Variants in SDAD1 observed in about 807,000 individuals in gnomAD.
SDAD1 encodes protein SDA1 homolog.
In SDAD1, 79 loss-of-function variants were observed where a neutral mutation model predicts 100.3. The ratio of observed to expected loss-of-function variants is 0.79; its 90% confidence interval spans 0.66 to 0.95. The LOEUF is 0.95. Among genes scored for constraint, SDAD1 ranks in the 40% least tolerant of loss-of-function variants. The pLI, the probability that SDAD1 is intolerant of heterozygous loss-of-function variation, is 0.00. For missense variants in SDAD1, 790 were observed against 810.9 expected, an observed-to-expected ratio of 0.97 and a Z score of 0.31; for synonymous variants, 267 against 271.4, an observed-to-expected ratio of 0.98 and a Z score of 0.16.
intron 1 of SDAD1, among the ~76,000 whole-genome samples, chr4:75,990,026 G>A (rs1290331866): frequency 6.6e-6 from 1 of 152,188 alleles, no homozygotes; most frequent in Non-Finnish European, 1.5e-5. Context: ...GTGTCTGAAG[G>A]AAGCACCTGT....
intron 1 of SDAD1, among the ~76,000 whole-genome samples, chr4:75,984,770 CACACACAA>C (rs1181552194): frequency 2.3e-4 from 30 of 131,660 alleles, no homozygotes; most frequent in Admixed American, 3.3e-4. Context: ...CATACACACA[CACACACAA>C]ACACACACAC....
intron 17 of SDAD1, among the ~76,000 whole-genome samples, chr4:75,959,185 C>G (rs953885382): frequency 2.0e-5 from 3 of 151,620 alleles, no homozygotes; most frequent in Non-Finnish European, 2.9e-5. Context: ...ATGCCCCCAC[C>G]CACTCCAATC....
intron 21 of SDAD1, 22 bp downstream of exon 21, chr4:75,955,953 C>G (rs780164536): frequency 1.3e-6 from 2 of 1,579,582 alleles, no homozygotes. Flanking sequence ...TTCTTGCCAC[C>G]CAAGCTTCAA....
chr4:75,973,969 C>T (rs1730010151), intron 7 of SDAD1, 107 bp downstream of exon 7: 2 of 862,926 alleles, frequency 2.3e-6, no homozygotes, highest in Admixed American at 2.1e-5. Flanking sequence ...TAACTGCATG[C>T]CTGGTGTGCA....
At chr4:75,990,513 G>A (rs1560562447) in intron 1 of SDAD1, among the ~76,000 whole-genome samples, 1 of 152,174 alleles carries the variant, frequency 6.6e-6, no homozygotes, top group Non-Finnish European at 1.5e-5. Flanking sequence ...GGTTTTAAAG[G>A]TGTTTCAGCG....
intron 2 of SDAD1, 52 bp downstream of exon 2, chr4:75,981,881 T>G: frequency 8.1e-7 from 1 of 1,229,780 alleles, no homozygotes; most frequent in Non-Finnish European, 1.2e-6. Flanking sequence ...GAAAAAACAT[T>G]CAGCAAACTG....
intron 21 of SDAD1, among the ~76,000 whole-genome samples, chr4:75,953,833 G>T (rs1222823644): frequency 6.6e-6 from 1 of 152,136 alleles, no homozygotes; most frequent in Non-Finnish European, 1.5e-5. Context: ...ACACCACAAG[G>T]AGAGAAAGAT....
intron 3 of SDAD1, among the ~76,000 whole-genome samples, chr4:75,980,503 G>C (rs1294724686): frequency 2.0e-5 from 3 of 152,184 alleles, no homozygotes; most frequent in African/African-American, 7.2e-5. Flanking sequence ...ATTAAATTTG[G>C]AAATGTCTTA....
chr4:75,985,937 T>C (rs1024280848), intron 1 of SDAD1, among the ~76,000 whole-genome samples: 7 of 152,138 alleles, frequency 4.6e-5, no homozygotes, highest in African/African-American at 1.7e-4. Context: ...TCATCCAGCT[T>C]CAATTCCATG....
At chr4:75,976,525 A>G (rs776870259) in intron 4 of SDAD1, among the ~76,000 whole-genome samples, 9 of 152,194 alleles carry the variant, frequency 5.9e-5, no homozygotes, top group Non-Finnish European at 8.8e-5. Flanking sequence ...ACACAAATCT[A>G]TAGTGACCCA....
chr4:75,961,753 G>A (rs998430042), intron 14 of SDAD1, among the ~76,000 whole-genome samples: 20 of 152,068 alleles, frequency 1.3e-4, no homozygotes, highest in African/African-American at 4.8e-4. Context: ...TCAACCAAAA[G>A]GGCTACTAAA....
rs531046512 is a variant in SDAD1, at chr4:75,972,204, C to A, written c.712-746G>T. On this transcript the variant is annotated intron_variant, in intron 8 of 21. Transcript: ENST00000356260. ...CTGCCCGCCTTGGCCTCCCAAAGTG[C>A]TGGGATTACAGGTGTGAGCCATTGC... 7.2e-5 allele frequency among the ~76,000 whole-genome samples: 11 copies of A among 152,200 alleles called. No individual in the cohort carries two copies. In the East Asian group the frequency reaches 2.1e-3, roughly 29 times the overall value.
intron 3 of SDAD1, among the ~76,000 whole-genome samples, chr4:75,979,394 T>C (rs918811151): frequency 5.3e-5 from 8 of 152,134 alleles, no homozygotes; most frequent in African/African-American, 1.9e-4. Context: ...TTCCAGTGTG[T>C]TCAATGCTTC....
At chr4:75,981,560 T>C in intron 2 of SDAD1, 90 bp from the exon 3 acceptor site, 1 of 1,578,362 alleles carries the variant, frequency 6.3e-7, no homozygotes, top group South Asian at 1.1e-5. Context: ...AAAACGAGAG[T>C]AAAAGGCTAT....
intron 10 of SDAD1, among the ~76,000 whole-genome samples, chr4:75,969,627 C>T (rs112525327): frequency 8.7e-4 from 133 of 152,296 alleles, no homozygotes; most frequent in African/African-American, 3.0e-3. Flanking sequence ...CTTAATAGCT[C>T]TCTAGATCCT....
rs780013298 is a variant in SDAD1, at chr4:75,970,315, G to A, written c.877C>T (p.Pro293Ser). Residue 293 changes from proline (P) to serine (S), a missense_variant, in exon 10 of 22, where the codon CCC becomes TCC. Pro to Ser is a moderately conservative substitution (Grantham distance 74). Transcript: ENST00000356260. The stretch of plus-strand genomic sequence containing the variant: ...GGACGTCATAATAACGTACCTTGGG[G>A]ATCATGAATCAAGTGAATGGCTGAA... ...NFSAIHLIHD[P>S]QDFAEKLLKQ... 4.3e-6 allele frequency: 7 copies of A among 1,613,116 alleles called. No individual in the cohort carries two copies. Among genetic ancestry groups the A allele is most frequent in the Admixed American group, 3.3e-5 (2 of 59,974 alleles).
chr4:75,966,902 G>T (rs1729578760), intron 12 of SDAD1, among the ~76,000 whole-genome samples: 1 of 152,092 alleles, frequency 6.6e-6, no homozygotes, highest in Non-Finnish European at 1.5e-5. Flanking sequence ...GAGTAGCTGG[G>T]ATTACAGGTG....
At position 75,961,140 on chromosome 4, in the gene SDAD1, CAT is replaced by C. The variant is rs1200220745; in HGVS notation, c.1280-38_1280-37del. 19 of 1,609,348 alleles carry C rather than the reference CAT, an allele frequency of 1.2e-5. No individual in the cohort carries two copies. In the East Asian group the frequency reaches 4.2e-4, roughly 36 times the overall value. On this transcript the variant is annotated intron_variant, in intron 15 of 21. Transcript: ENST00000356260. ...ATACTTTTAATTAGAAATTCTGGCC[CAT>C]AGAGTACAATGAGGTAAAAAGGAGT...
intron 6 of SDAD1, 32 bp downstream of exon 6, chr4:75,975,712 T>C (rs1730118354): frequency 1.4e-6 from 2 of 1,444,566 alleles, no homozygotes; most frequent in South Asian, 1.2e-5. Context: ...AAAAAGAGTC[T>C]ACTTCTCAAG....
Sources: allele counts gnomAD v4.1 joint callset (sites outside exome capture counted in the v4.1 genomes callset), GRCh38; gene constraint gnomAD v4.1.1; transcripts MANE v1.5; gene names NCBI Gene and HGNC (gene_info 2026-07-23, HGNC 2026-07-21).